The following CAMK1D variants were observed in gnomAD, a reference collection of about 807,000 sequenced individuals.
CAMK1D encodes the protein calcium/calmodulin-dependent protein kinase type 1D.
In CAMK1D, 9 loss-of-function variants were observed where a neutral mutation model predicts 47.7. The observed-to-expected ratio is 0.19, with a 90% CI of 0.11 to 0.33. The LOEUF (loss-of-function observed/expected upper bound fraction) is 0.33. CAMK1D is among the 10% of genes least tolerant of loss of function. The pLI is 1.00. For synonymous variants in CAMK1D, 184 were observed against 184.9 expected, an observed-to-expected ratio of 0.99 and a Z score of 0.04; for missense variants, 291 against 488.7, an observed-to-expected ratio of 0.60 and a Z score of 3.81.
At chr10:12,603,145 A>C (rs2132393273) in intron 2 of CAMK1D, among the ~76,000 whole-genome samples, 1 of 152,038 alleles carries the variant, frequency 6.6e-6, no homozygotes, top group East Asian at 1.9e-4. Context: ...TTACGACTTC[A>C]GATGATCCAC....
intron 6 of CAMK1D, 126 bp from the exon 7 acceptor site, chr10:12,814,069 G>A (rs1832708656): frequency 4.8e-6 from 3 of 625,804 alleles, no homozygotes; most frequent in Non-Finnish European, 8.6e-6. Flanking sequence ...GATTACCTGC[G>A]TGAGCCACTG....
intron 1 of CAMK1D, among the ~76,000 whole-genome samples, chr10:12,544,042 C>G (rs142847394): frequency 5.3e-5 from 8 of 152,220 alleles, no homozygotes; most frequent in Non-Finnish European, 1.0e-4. Flanking sequence ...ATTATTTCCT[C>G]GCAGGCACCT....
At chr10:12,482,949 G>A (rs1442027887) in intron 1 of CAMK1D, among the ~76,000 whole-genome samples, 1 of 152,128 alleles carries the variant, frequency 6.6e-6, no homozygotes, top group East Asian at 1.9e-4. Context: ...ATTTCAGGTG[G>A]TTAATAACCC....
chr10:12,408,367 T>A (rs1467703464), intron 1 of CAMK1D, among the ~76,000 whole-genome samples: 4 of 150,608 alleles, frequency 2.7e-5, no homozygotes, highest in Middle Eastern at 3.5e-3. Flanking sequence ...GGTTTTGCCA[T>A]TTTCACCATG....
chr10:12,468,424 A>G (rs146761804), intron 1 of CAMK1D, among the ~76,000 whole-genome samples: 76 of 152,304 alleles, frequency 5.0e-4, no homozygotes, highest in African/African-American at 1.8e-3. Context: ...AATAAAAGCC[A>G]TGTTGTGGGC....
intron 1 of CAMK1D, among the ~76,000 whole-genome samples, chr10:12,466,512 GA>G (rs1487582703): frequency 1.3e-5 from 2 of 151,902 alleles, no homozygotes; most frequent in Non-Finnish European, 2.9e-5. Context: ...TTGAGACCAG[GA>G]ATTGGAGGCT....
chr10:12,547,682 T>TCTCTCTCTCA, intron 1 of CAMK1D, among the ~76,000 whole-genome samples: 2 of 116,576 alleles, frequency 1.7e-5, no homozygotes, highest in African/African-American at 7.4e-5. Flanking sequence ...TTTCTCTCTC[T>TCTCTCTCTCA]CACACACACA....
chr10:12,484,359 G>T (rs1239847301), intron 1 of CAMK1D, among the ~76,000 whole-genome samples: 1 of 152,200 alleles, frequency 6.6e-6, no homozygotes, highest in Non-Finnish European at 1.5e-5. Context: ...GAGGGAGGAG[G>T]GCCAATTACA....
intron 3 of CAMK1D, among the ~76,000 whole-genome samples, chr10:12,754,651 T>C (rs1836149679): frequency 1.3e-5 from 2 of 152,216 alleles, no homozygotes. Flanking sequence ...TTCTGGAGGC[T>C]GGAAGTGCAA....
At chr10:12,589,800 C>T (rs1479514783) in intron 2 of CAMK1D, among the ~76,000 whole-genome samples, 1 of 152,198 alleles carries the variant, frequency 6.6e-6, no homozygotes, top group African/African-American at 2.4e-5. Flanking sequence ...TGTCCTCCTT[C>T]ATTGCAGTTA....
At chr10:12,733,575 C>T (rs997933382) in intron 3 of CAMK1D, among the ~76,000 whole-genome samples, 1 of 152,132 alleles carries the variant, frequency 6.6e-6, no homozygotes, top group African/African-American at 2.4e-5. Flanking sequence ...CAGGATTAAC[C>T]ATTCCACAGC....
At chr10:12,671,881 G>A (rs1445072398) in intron 3 of CAMK1D, among the ~76,000 whole-genome samples, 1 of 140,196 alleles carries the variant, frequency 7.1e-6, no homozygotes, top group Non-Finnish European at 1.6e-5. Flanking sequence ...TTATGTTTTT[G>A]GTGTTATACT....
At chr10:12,636,470 G>C (rs1839513962) in intron 2 of CAMK1D, among the ~76,000 whole-genome samples, 1 of 152,160 alleles carries the variant, frequency 6.6e-6, no homozygotes, top group Admixed American at 6.5e-5. Flanking sequence ...TGAGACTACA[G>C]GTGTGTGCCA....
intron 1 of CAMK1D, among the ~76,000 whole-genome samples, chr10:12,395,056 A>T (rs1413983859): frequency 2.1e-4 from 29 of 139,412 alleles, no homozygotes; most frequent in South Asian, 2.2e-4. Flanking sequence ...TTATTTTTTT[A>T]AAATTTTAAT....
In CAMK1D at chr10:12,674,599, C is replaced by CTTTTTTT. The variant is rs11391139; in HGVS notation, c.299+7801_299+7807dup. ...TTTTATTTGGGTTTTTGGAAAAATG[C>CTTTTTTT]TTTTTTTTTTTTTTTTTTCAGAATT... On this transcript the variant is annotated intron_variant, in intron 3 of 10. Transcript: ENST00000619168. Among the ~76,000 whole-genome samples the CTTTTTTT allele has an allele frequency of 2.4e-4, 15 of 63,470 alleles. 1 individual carries two copies. Among genetic ancestry groups the CTTTTTTT allele is most frequent in the Admixed American group, 9.9e-4 (5 of 5,054 alleles). The allele number at this position is 63,470 out of a possible 152,430, so 41.6% of individuals were successfully genotyped here. A position where few individuals can be genotyped will look rare whatever the true frequency, so the allele number is the denominator to read the frequency against.
chr10:12,769,567 A>C (rs979716378), intron 4 of CAMK1D, 106 bp from the exon 5 acceptor site: 2 of 1,287,420 alleles, frequency 1.6e-6, no homozygotes, highest in Admixed American at 4.2e-5. Context: ...TCCAAAGGTC[A>C]AGGACGTCCT....
intron 5 of CAMK1D, among the ~76,000 whole-genome samples, chr10:12,782,988 T>G (rs912768676): frequency 7.1e-5 from 10 of 139,970 alleles, no homozygotes; most frequent in Admixed American, 1.5e-4. Flanking sequence ...TCAGTTTTTT[T>G]TTTTTTTGTT....
intron 4 of CAMK1D, among the ~76,000 whole-genome samples, chr10:12,766,273 AGCCCTG>A (rs1437457885): frequency 2.0e-4 from 3 of 15,106 alleles, no homozygotes; most frequent in Non-Finnish European, 2.7e-4. Flanking sequence ...CTCCTCCCCC[AGCCCTG>A]GCCCCGTGCC....
intron 3 of CAMK1D, among the ~76,000 whole-genome samples, chr10:12,755,056 G>A (rs1030007482): frequency 1.3e-5 from 2 of 152,162 alleles, no homozygotes; most frequent in Non-Finnish European, 2.9e-5. Flanking sequence ...AAAGGCGTGT[G>A]TTTATATTTT....
Sources: gnomAD v4.1 joint callset for allele counts (sites outside exome capture counted in the v4.1 genomes callset) on GRCh38, gnomAD v4.1.1 for gene constraint, MANE v1.5 for transcripts, NCBI Gene and HGNC (gene_info 2026-07-23, HGNC 2026-07-21) for gene names.